The following TAX1BP1 variants were observed in gnomAD, a reference collection of about 807,000 sequenced individuals.
TAX1BP1 encodes the protein Tax1 binding protein 1, also known as tax1-binding protein 1.
Under a neutral mutation model 97.7 loss-of-function variants are expected in TAX1BP1, and 62 were observed. The observed-to-expected ratio is 0.63, with a 90% confidence interval of 0.52 to 0.78. The LOEUF (loss-of-function observed/expected upper bound fraction) is 0.78. Among genes scored for constraint, TAX1BP1 ranks in the 30% least tolerant of loss-of-function variants. The pLI is 0.00. For missense variants in TAX1BP1, 867 were observed against 916.1 expected (o/e 0.95, Z 0.69); for synonymous variants, 340 against 304.2 (o/e 1.12, Z -1.23).
intron 10 of TAX1BP1, among the ~76,000 whole-genome samples, chr7:27,794,019 C>T (rs929879289): frequency 2.3e-4 from 35 of 152,126 alleles, no homozygotes; most frequent in African/African-American, 8.2e-4. Flanking sequence ...TGAATTTGGC[C>T]TGGGGCCTTT....
At chr7:27,787,364 C>T in intron 7 of TAX1BP1, 54 bp from the exon 8 acceptor site, 1 of 1,428,576 alleles carries the variant, frequency 7.0e-7, no homozygotes. Context: ...TAAACTTTGA[C>T]TAACTTAGGT....
chr7:27,813,299 A>G (rs1169072669), intron 13 of TAX1BP1, among the ~76,000 whole-genome samples: 1 of 151,314 alleles, frequency 6.6e-6, no homozygotes, highest in Non-Finnish European at 1.5e-5. Flanking sequence ...AGCTGACTAC[A>G]GGCATGTGCC....
chr7:27,755,444 G>A (rs368299839), intron 2 of TAX1BP1, among the ~76,000 whole-genome samples: 52 of 151,868 alleles, frequency 3.4e-4, no homozygotes, highest in Middle Eastern at 3.4e-3. Context: ...TCAACCTAAT[G>A]TTTCTGTCTT....
intron 1 of TAX1BP1, among the ~76,000 whole-genome samples, chr7:27,744,491 A>G (rs772124405): frequency 6.6e-6 from 1 of 152,244 alleles, no homozygotes; most frequent in Non-Finnish European, 1.5e-5. Flanking sequence ...ATTATCACAC[A>G]TAACAAAATT....
chr7:27,793,633 C>G (rs1789802489), intron 10 of TAX1BP1, among the ~76,000 whole-genome samples: 1 of 152,122 alleles, frequency 6.6e-6, no homozygotes, highest in South Asian at 2.1e-4. Context: ...ATGAAGATTC[C>G]TATTCCTATT....
chr7:27,828,880 A>AC lies in TAX1BP1; in HGVS notation c.*51_*52insC. 6 of 1,417,092 alleles carry AC rather than the reference A, an allele frequency of 4.2e-6. No individual in the cohort carries two copies. Among genetic ancestry groups the AC allele is most frequent in the East Asian group, 2.3e-5 (1 of 43,426 alleles). 87.8% of individuals were successfully genotyped at this position (1,417,092 alleles called of 1,614,324 possible). A position where few individuals can be genotyped will look rare whatever the true frequency, so the allele number is the denominator to read the frequency against. Reference sequence around the variant, plus strand: ...GTTTAGCAGTAAAAAAAAAAAAAAAAACCACACCTAAAATAGACCACTGAG... The same window carrying AC: ...GTTTAGCAGTAAAAAAAAAAAAAAAACACCACACCTAAAATAGACCACTGAG... On this transcript the variant is annotated 3_prime_UTR_variant, in exon 17 of 17. Coordinates refer to ENST00000396319, the MANE Select transcript of TAX1BP1 (RefSeq NM_006024.7).
Position 27,759,022 on chromosome 7 carries a change from A to G in TAX1BP1, c.265+889A>G, listed in dbSNP as rs368910607. 2.6e-5 allele frequency among the ~76,000 whole-genome samples: 4 copies of G among 152,060 alleles called. No individual in the cohort carries two copies. In the South Asian group the frequency reaches 6.2e-4, roughly 24 times the overall value. On this transcript the variant is annotated intron_variant, in intron 3 of 16. Coordinates refer to ENST00000396319, the MANE Select transcript of TAX1BP1 (RefSeq NM_006024.7). The stretch of plus-strand genomic sequence containing the variant: ...AAAAATAACACTTATTCAGAGATCT[A>G]TCACAGAATTTGCTGCAGAGTAATT...
chr7:27,767,079 TAG>T (rs1237728241), intron 4 of TAX1BP1, among the ~76,000 whole-genome samples: 1 of 152,140 alleles, frequency 6.6e-6, no homozygotes, highest in African/African-American at 2.4e-5. Flanking sequence ...ACAGAAAAAA[TAG>T]AGTGACATTC....
rs570526257 is a variant in TAX1BP1, at chr7:27,796,091, A to G, written c.1535-25A>G. 269 of 1,560,094 alleles carry G rather than the reference A, an allele frequency of 1.7e-4. 2 individuals carry two copies. In the South Asian group the frequency reaches 3.0e-3, roughly 18 times the overall value. ...TATAAGGGGCAAAATACTTTTTAACAGTCTTATATTCTGCCTTTCTACAGC... is the reference window on the plus strand; with the variant it reads ...TATAAGGGGCAAAATACTTTTTAACGGTCTTATATTCTGCCTTTCTACAGC... On this transcript the variant is annotated intron_variant, in intron 11 of 16. Transcript: ENST00000396319.
intron 7 of TAX1BP1, among the ~76,000 whole-genome samples, chr7:27,786,852 C>T (rs1789503908): frequency 6.6e-6 from 1 of 152,110 alleles, no homozygotes; most frequent in African/African-American, 2.4e-5. Context: ...TTTATAATTC[C>T]AGTTATTGAA....
chr7:27,756,416 A>T (rs1202723217), intron 2 of TAX1BP1, among the ~76,000 whole-genome samples: 1 of 152,084 alleles, frequency 6.6e-6, no homozygotes, highest in East Asian at 1.9e-4. Flanking sequence ...TTTACTCAGG[A>T]TTGTATCTTG....
At chr7:27,772,028 A>G (rs931481908) in intron 5 of TAX1BP1, 1 of 152,128 alleles carries the variant, frequency 6.6e-6, no homozygotes, top group East Asian at 1.9e-4. Flanking sequence ...TAATGGATAC[A>G]TAATGTAACC....
intron 5 of TAX1BP1, 39 bp downstream of exon 5, chr7:27,769,873 A>G: frequency 6.3e-7 from 1 of 1,597,276 alleles, no homozygotes; most frequent in Non-Finnish European, 8.5e-7. Context: ...AGTTGATAGT[A>G]TATTGCCTGA....
In TAX1BP1 at chr7:27,795,972, T is replaced by A. The variant is rs1389995855; in HGVS notation, c.1535-144T>A. On this transcript the variant is annotated intron_variant, in intron 11 of 16. Transcript: ENST00000396319. Reference sequence around the variant, plus strand: ...GAGTTTATATATCCTTCTTTGTATATCTAGGATATGAATAGATATTTCTGT... The same window carrying A: ...GAGTTTATATATCCTTCTTTGTATAACTAGGATATGAATAGATATTTCTGT... The A allele has an allele frequency of 7.6e-5, 45 of 595,974 alleles. 1 individual carries two copies. In the South Asian group the frequency reaches 9.0e-4, roughly 12 times the overall value. 36.9% of individuals were successfully genotyped at this position (595,974 alleles called of 1,614,324 possible).
chr7:27,756,757 A>C (rs1357209177), intron 2 of TAX1BP1, among the ~76,000 whole-genome samples: 1 of 152,042 alleles, frequency 6.6e-6, no homozygotes, highest in Non-Finnish European at 1.5e-5. Flanking sequence ...TCTTCCAACA[A>C]CTGTGAAAGG....
chr7:27,788,156 A>G (rs1039602895), intron 8 of TAX1BP1, among the ~76,000 whole-genome samples: 6 of 152,052 alleles, frequency 3.9e-5, no homozygotes, highest in Non-Finnish European at 7.4e-5. Context: ...AAAATGTTCT[A>G]TAATCTGGAT....
chr7:27,819,638 G>A (rs1004202624), intron 15 of TAX1BP1, among the ~76,000 whole-genome samples: 3 of 152,176 alleles, frequency 2.0e-5, no homozygotes, highest in South Asian at 2.1e-4. Flanking sequence ...CCCATCATAA[G>A]TTAAATATGT....
chr7:27,747,394 C>T (rs376600226), intron 1 of TAX1BP1, among the ~76,000 whole-genome samples: 14 of 152,210 alleles, frequency 9.2e-5, no homozygotes, highest in South Asian at 6.2e-4. Flanking sequence ...AGCCAGTGAG[C>T]GTTCATGAAT....
chr7:27,793,016 A>T, intron 9 of TAX1BP1, 50 bp from the exon 10 acceptor site: 1 of 1,483,260 alleles, frequency 6.7e-7, no homozygotes, highest in Non-Finnish European at 9.2e-7. Context: ...TATTAACATT[A>T]GGAGGTATCA....
Sources: allele counts gnomAD v4.1 joint callset (sites outside exome capture counted in the v4.1 genomes callset), GRCh38; gene constraint gnomAD v4.1.1; transcripts MANE v1.5; gene names NCBI Gene and HGNC (gene_info 2026-07-23, HGNC 2026-07-21).